BIRC6: variants seen among roughly 807,000 people sequenced by gnomAD.
The protein encoded by BIRC6 is dual E2 ubiquitin-conjugating enzyme/E3 ubiquitin-protein ligase BIRC6.
A neutral mutation model predicts 503.3 loss-of-function variants in BIRC6; 98 were observed. The observed-to-expected ratio is 0.19, with a 90% CI of 0.17 to 0.23. The LOEUF (loss-of-function observed/expected upper bound fraction) is 0.23, where lower values mean the gene tolerates loss of function less well. Among genes scored for constraint, BIRC6 ranks in the 10% least tolerant of loss-of-function variants. BIRC6 has a pLI of 1.00. For missense variants in BIRC6, 5,360 were observed against 5,806.0 expected, an observed-to-expected ratio of 0.92 and a Z score of 2.50; for synonymous variants, 2,240 against 2,078.7, an observed-to-expected ratio of 1.08 and a Z score of -2.11.
chr2:32,433,786 G>T lies in BIRC6; in HGVS notation c.3391G>T (p.Gly1131Ter). The change falls in exon 13 of 74, where the codon GGA becomes TGA. Residue 1131 changes from glycine to a stop codon, truncating the protein, a stop_gained. Transcript: ENST00000421745. LOFTEE classifies it high-confidence loss of function. ...GACACTGCTGAAAAATAAAGCTCCA[G>T]GATTAGGGAAAGTCAATGGTAAGAA... ...QVTLLKNKAP[G>*]LGKVNALNIE... 1 of 1,566,192 alleles carries T rather than the reference G, an allele frequency of 6.4e-7. No homozygotes were observed. The highest frequency in any genetic ancestry group is 8.7e-7 in the Non-Finnish European group (1 of 1,144,892).
intron 23 of BIRC6, among the ~76,000 whole-genome samples, chr2:32,461,000 C>T (rs1365974909): frequency 4.8e-5 from 1 of 20,744 alleles, no homozygotes. Flanking sequence ...CTGCTCTGCT[C>T]TCTTCTCTTC....
intron 61 of BIRC6, among the ~76,000 whole-genome samples, chr2:32,539,898 T>A (rs2057525989): frequency 6.6e-6 from 1 of 151,994 alleles, no homozygotes; most frequent in African/African-American, 2.4e-5. Flanking sequence ...ATTGATAAAC[T>A]ATGAAAAATT....
At chr2:32,490,240 G>A (rs2051521588) in intron 43 of BIRC6, 89 bp downstream of exon 43, 2 of 1,166,164 alleles carry the variant, frequency 1.7e-6, no homozygotes, top group East Asian at 4.8e-5. Flanking sequence ...TCCAAGGAGT[G>A]GTATACTTGT....
chr2:32,465,388 A>G (rs1041493858), intron 26 of BIRC6, among the ~76,000 whole-genome samples: 2 of 151,618 alleles, frequency 1.3e-5, no homozygotes, highest in African/African-American at 2.4e-5. Flanking sequence ...TTTGATCTAT[A>G]TATGAATCTT....
intron 1 of BIRC6, among the ~76,000 whole-genome samples, chr2:32,376,770 A>T (rs1489452767): frequency 6.6e-6 from 1 of 152,236 alleles, no homozygotes; most frequent in Non-Finnish European, 1.5e-5. Context: ...TTAATTTAAA[A>T]TGTAGGCATA....
At chr2:32,387,646 A>T (rs966684946) in intron 3 of BIRC6, among the ~76,000 whole-genome samples, 1 of 152,226 alleles carries the variant, frequency 6.6e-6, no homozygotes, top group Admixed American at 6.5e-5. Flanking sequence ...TTGCTGGATT[A>T]TGGTGACAAC....
chr2:32,538,634 C>T (rs1438651667), intron 61 of BIRC6, among the ~76,000 whole-genome samples: 1 of 152,192 alleles, frequency 6.6e-6, no homozygotes, highest in Non-Finnish European at 1.5e-5. Context: ...ATCTCATCAA[C>T]AATGTACAGT....
intron 1 of BIRC6, among the ~76,000 whole-genome samples, chr2:32,367,472 A>G (rs1028723360): frequency 1.3e-5 from 2 of 152,062 alleles, no homozygotes; most frequent in Non-Finnish European, 2.9e-5. Context: ...TCAAAAAAAA[A>G]ACAAAAAAAC....
At chr2:32,453,996 G>A (rs970446301) in intron 23 of BIRC6, 54 bp downstream of exon 23, 4 of 1,331,584 alleles carry the variant, frequency 3.0e-6, no homozygotes, top group Admixed American at 2.4e-5. Flanking sequence ...CAGTAATAAA[G>A]TGATATTTAT....
intron 65 of BIRC6, among the ~76,000 whole-genome samples, chr2:32,561,533 C>A (rs1013350713): frequency 6.6e-6 from 1 of 151,836 alleles, no homozygotes; most frequent in Non-Finnish European, 1.5e-5. Flanking sequence ...AGCCACTGTG[C>A]CCGCTCATGA....
Position 32,525,015 on chromosome 2 carries a change from C to T in BIRC6, c.11751C>T (p.Ala3917=), listed in dbSNP as rs762167563. ...GFQDNYSVVV[A]SGLKSQSKRA... Reference sequence around the variant, plus strand: ...AAGACAATTACAGTGTTGTTGTTGCCTCTGGTATGCTTTCTATTTTTTATA... The same window carrying T: ...AAGACAATTACAGTGTTGTTGTTGCTTCTGGTATGCTTTCTATTTTTTATA... The change falls in exon 58 of 74, where the codon GCC becomes GCT. Residue 3917 remains alanine, a synonymous_variant. Coordinates refer to ENST00000421745, the MANE Select transcript of BIRC6 (RefSeq NM_016252.4). The T allele has an allele frequency of 1.0e-5, 16 of 1,526,124 alleles. No individual in the cohort carries two copies. The highest frequency in any genetic ancestry group is 1.4e-5 in the Non-Finnish European group (16 of 1,144,294). 94.5% of individuals were successfully genotyped at this position (1,526,124 alleles called of 1,614,324 possible).
chr2:32,366,887 C>T (rs1255646502), intron 1 of BIRC6, among the ~76,000 whole-genome samples: 2 of 151,714 alleles, frequency 1.3e-5, no homozygotes, highest in East Asian at 3.9e-4. Context: ...GAGGCTGAAG[C>T]AGGAGTATCA....
chr2:32,504,691 A>T (rs1356650507), intron 49 of BIRC6, among the ~76,000 whole-genome samples: 7 of 151,802 alleles, frequency 4.6e-5, no homozygotes, highest in Admixed American at 1.3e-4. Flanking sequence ...AAATAAATAA[A>T]TAATAAAAAA....
chr2:32,503,064 T>G lies in BIRC6; in HGVS notation c.9327T>G (p.Asn3109Lys), dbSNP rs1280483623. Reference sequence around the variant, plus strand: ...TAGGTGGTGTTCAGCTCATATGCAATAATATGGTTACTAGTACAAGGGCTA... The same window carrying G: ...TAGGTGGTGTTCAGCTCATATGCAAGAATATGGTTACTAGTACAAGGGCTA... Reference protein sequence around the residue: ...HDMGGVQLICNNMVTSTRAIV... With the variant: ...HDMGGVQLICKNMVTSTRAIV... The change falls in exon 49 of 74, where the codon AAT becomes AAG. Residue 3109 changes from asparagine (N) to lysine (K), a missense_variant. Physicochemically the swap from Asn to Lys is moderately conservative, Grantham distance 94 (BLOSUM62 0). Transcript: ENST00000421745. 6.2e-7 allele frequency: 1 copy of G among 1,603,756 alleles called. No individual in the cohort carries two copies. Among genetic ancestry groups the G allele is most frequent in the African/African-American group, 1.3e-5 (1 of 74,732 alleles).
chr2:32,406,100 T>C (rs1558638499), intron 8 of BIRC6, among the ~76,000 whole-genome samples: 1 of 152,170 alleles, frequency 6.6e-6, no homozygotes, highest in Non-Finnish European at 1.5e-5. Flanking sequence ...ATTTTAACAC[T>C]GTACTTTCAG....
Position 32,535,973 on chromosome 2 carries a change from T to C in BIRC6, c.12291+4422T>C, listed in dbSNP as rs567659605. On this transcript the variant is annotated intron_variant, in intron 61 of 73. Transcript: ENST00000421745. ...CACATCCTCTCCAGCACCTGTTGTT[T>C]CCTGACTTTTTAATGTTCGGCATTC... Among the ~76,000 whole-genome samples the C allele has an allele frequency of 1.9e-3, 292 of 152,328 alleles. 1 individual carries two copies. Among genetic ancestry groups the C allele is most frequent in the African/African-American group, 6.5e-3 (271 of 41,574 alleles).
chr2:32,439,898 A>T (rs2045211343), intron 16 of BIRC6, among the ~76,000 whole-genome samples: 1 of 152,188 alleles, frequency 6.6e-6, no homozygotes, highest in Non-Finnish European at 1.5e-5. Context: ...TAGAGTTTTG[A>T]GACGGGGTCT....
At position 32,518,321 on chromosome 2, in the gene BIRC6, G is replaced by T. The variant is rs984042577; in HGVS notation, c.11417G>T (p.Gly3806Val). Reference protein sequence around the residue: ...GNLPTSGNISGFIRRLFLQLM... With the variant: ...GNLPTSGNISVFIRRLFLQLM... Reference sequence around the variant, plus strand: ...CTTCCAACATCTGGGAACATTTCAGGGTTTATACGAAGATTATTTTTACAG... The same window carrying T: ...CTTCCAACATCTGGGAACATTTCAGTGTTTATACGAAGATTATTTTTACAG... The change falls in exon 56 of 74, where the codon GGG becomes GTG. Residue 3806 changes from glycine (G) to valine (V), a missense_variant. Physicochemically the swap from Gly to Val is moderately radical, Grantham distance 109. Coordinates refer to ENST00000421745, the MANE Select transcript of BIRC6 (RefSeq NM_016252.4). The T allele has an allele frequency of 6.2e-7, 1 of 1,611,406 alleles. No individual in the cohort carries two copies. Among genetic ancestry groups the T allele is most frequent in the Non-Finnish European group, 8.5e-7 (1 of 1,179,252 alleles).
intron 6 of BIRC6, among the ~76,000 whole-genome samples, chr2:32,399,296 G>A (rs2040339888): frequency 6.6e-6 from 1 of 152,172 alleles, no homozygotes; most frequent in Admixed American, 6.5e-5. Flanking sequence ...ATGTTGGCCA[G>A]GCTGGTCTGG....
Sources: allele counts gnomAD v4.1 joint callset (sites outside exome capture counted in the v4.1 genomes callset), GRCh38; gene constraint gnomAD v4.1.1; transcripts MANE v1.5; gene names NCBI Gene and HGNC (gene_info 2026-07-23, HGNC 2026-07-21).